PACS2: variants seen among roughly 807,000 people sequenced by gnomAD.
PACS2 encodes phosphofurin acidic cluster sorting protein 2, also known as PACS1-like protein.
PACS2 carries 36 observed loss-of-function variants against 113.0 expected under a neutral mutation model. The ratio of observed to expected loss-of-function variants is 0.32; its 90% confidence interval spans 0.24 to 0.42. The LOEUF is 0.42. PACS2 is among the 10% of genes least tolerant of loss of function. The pLI is 1.00. For missense variants in PACS2, 1,015 were observed against 1,239.5 expected, an observed-to-expected ratio of 0.82 and a Z score of 2.72; for synonymous variants, 589 against 536.1, an observed-to-expected ratio of 1.10 and a Z score of -1.36.
Position 105,366,373 on chromosome 14 carries a change from G to A in PACS2, c.424-840G>A, listed in dbSNP as rs181544829. ...AAAAAAGTAATAAATAAATAAATCT[G>A]GTCTATAAAATCCTAACATCTGGAT... On this transcript the variant is annotated intron_variant, in intron 4 of 24. Coordinates refer to ENST00000447393, the MANE Select transcript of PACS2 (RefSeq NM_001100913.3). The surrounding 1 kb of genome is among the most constrained non-coding windows in gnomAD (Gnocchi z 4.3). 4.4e-3 allele frequency among the ~76,000 whole-genome samples: 677 copies of A among 152,240 alleles called. 2 individuals carry two copies. The highest frequency in any genetic ancestry group is 7.4e-3 in the Non-Finnish European group (503 of 68,016).
At chr14:105,344,240 T>C (rs1555402143) in intron 1 of PACS2, among the ~76,000 whole-genome samples, 1 of 151,574 alleles carries the variant, frequency 6.6e-6, no homozygotes, top group Non-Finnish European at 1.5e-5. Context: ...TATGGTTGAA[T>C]TTGCCTGGAA....
chr14:105,334,618 G>T (rs905599089), intron 1 of PACS2, among the ~76,000 whole-genome samples: 12 of 152,044 alleles, frequency 7.9e-5, no homozygotes, highest in Non-Finnish European at 5.9e-5. Context: ...TGTCTACATA[G>T]AGCTCCACCT....
At chr14:105,345,759 G>A (rs782501927) in intron 1 of PACS2, among the ~76,000 whole-genome samples, 78 of 152,160 alleles carry the variant, frequency 5.1e-4, no homozygotes, top group Non-Finnish European at 1.0e-3. Flanking sequence ...CCAGCCTATG[G>A]TCTATCTTGG....
intron 1 of PACS2, among the ~76,000 whole-genome samples, chr14:105,328,968 T>C (rs1706673310): frequency 6.6e-6 from 1 of 152,216 alleles, no homozygotes; most frequent in Admixed American, 6.5e-5. Flanking sequence ...TCGGAAAATT[T>C]GTAGCAACAG....
At chr14:105,382,981 C>T in intron 15 of PACS2, 68 bp downstream of exon 15, 1 of 926,560 alleles carries the variant, frequency 1.1e-6, no homozygotes, top group Non-Finnish European at 1.7e-6. Flanking sequence ...CCCACCTCTG[C>T]CCATTGCTCC....
chr14:105,336,382 G>T (rs1159679590), intron 1 of PACS2: 1 of 152,376 alleles, frequency 6.6e-6, no homozygotes, highest in Non-Finnish European at 1.5e-5. Context: ...GCTTGCCAGG[G>T]CTGCAGAGTT....
chr14:105,368,418 G>C (rs1555408500), intron 6 of PACS2, 41 bp from the exon 7 acceptor site: 1 of 1,496,714 alleles, frequency 6.7e-7, no homozygotes, highest in African/African-American at 1.4e-5. Flanking sequence ...CCAGCACTAT[G>C]CAGGCTGCCG....
chr14:105,343,546 G>GT (rs2059812173), intron 1 of PACS2, among the ~76,000 whole-genome samples: 1 of 152,074 alleles, frequency 6.6e-6, no homozygotes, highest in Non-Finnish European at 1.5e-5. Context: ...TATTTTTCAT[G>GT]TTTTTTAAGC....
chr14:105,368,497 G>A lies in PACS2; in HGVS notation c.699G>A (p.Lys233=), dbSNP rs2061028341. 1.2e-6 allele frequency: 2 copies of A among 1,614,096 alleles called. No individual in the cohort carries two copies. The highest frequency in any genetic ancestry group is 1.3e-5 in the African/African-American group (1 of 75,062). The change falls in exon 7 of 25, where the codon AAG becomes AAA. Residue 233 remains lysine, a synonymous_variant. Coordinates refer to ENST00000447393, the MANE Select transcript of PACS2 (RefSeq NM_001100913.3). ...ACGACTTTGACGTGGGGAAGCCGAAGAAGCAGCGGAGATCGATTGTAAGAA... is the reference window on the plus strand; with the variant it reads ...ACGACTTTGACGTGGGGAAGCCGAAAAAGCAGCGGAGATCGATTGTAAGAA... ...DEDDFDVGKP[K]KQRRSIVRTT...
chr14:105,343,758 C>T (rs868927557), intron 1 of PACS2, among the ~76,000 whole-genome samples: 2 of 150,882 alleles, frequency 1.3e-5, no homozygotes, highest in Non-Finnish European at 2.9e-5. Context: ...TGCAGTGGCG[C>T]GACCTCAGCT....
chr14:105,331,516 G>A (rs587716494), intron 1 of PACS2, among the ~76,000 whole-genome samples: 2 of 152,144 alleles, frequency 1.3e-5, no homozygotes, highest in African/African-American at 2.4e-5. Context: ...TCTGGGGCTC[G>A]AGTCATCCTC....
rs72711572 is a variant in PACS2 at position 105,340,990 on chromosome 14, G to T, written c.120-7503G>T. Reference sequence around the variant, plus strand: ...ATGGGGAGGCTCGCTACCAAGGGGTGGGGGGCTGGAGAACGGAGCTTGGAG... The same window carrying T: ...ATGGGGAGGCTCGCTACCAAGGGGTTGGGGGCTGGAGAACGGAGCTTGGAG... On this transcript the variant is annotated intron_variant, in intron 1 of 24. Coordinates refer to ENST00000447393, the MANE Select transcript of PACS2 (RefSeq NM_001100913.3). This position sits in a 1 kb window ranked among gnomAD's most constrained non-coding sequence, Gnocchi z 4.2. 6.6e-6 allele frequency among the ~76,000 whole-genome samples: 1 copy of T among 152,244 alleles called. No individual in the cohort carries two copies. The highest frequency in any genetic ancestry group is 6.5e-5 in the Admixed American group (1 of 15,288).
upstream of PACS2, among the ~76,000 whole-genome samples, chr14:105,313,429 C>T (rs2058407236): frequency 6.6e-6 from 1 of 152,246 alleles, no homozygotes; most frequent in Non-Finnish European, 1.5e-5. Flanking sequence ...TCATGGCTCT[C>T]AGTGTACCAC....
Position 105,329,061 on chromosome 14 carries a change from T to A in PACS2, c.119+14024T>A, listed in dbSNP as rs1566907623. Among the ~76,000 whole-genome samples the A allele has an allele frequency of 6.6e-6, 1 of 152,192 alleles. No individual in the cohort carries two copies. The highest frequency in any genetic ancestry group is 1.5e-5 in the Non-Finnish European group (1 of 68,026). On this transcript the variant is annotated intron_variant, in intron 1 of 24. Coordinates refer to ENST00000447393, the MANE Select transcript of PACS2 (RefSeq NM_001100913.3). The surrounding 1 kb of genome is among the most constrained non-coding windows in gnomAD (Gnocchi z 6.4). ...TTCAGGGGAGCAGTGGGGAGTGTGC[T>A]GGGAGTGAGATTAGAGGGAGGACTC...
intron 22 of PACS2, chr14:105,392,086 G>A: frequency 2.4e-6 from 1 of 412,510 alleles, no homozygotes; most frequent in Non-Finnish European, 4.3e-6. Context: ...CAAGAGACGT[G>A]AGTCTCTAGA....
chr14:105,394,933 G>T lies in PACS2; in HGVS notation c.*261G>T, dbSNP rs745730548. On this transcript the variant is annotated 3_prime_UTR_variant, in exon 25 of 25. Transcript: ENST00000447393. Reference sequence around the variant, plus strand: ...TGCTGAGCCATGGATCGCGGAAGGCGTCCTCTGGCCTCAGGAGCCACCCAG... The same window carrying T: ...TGCTGAGCCATGGATCGCGGAAGGCTTCCTCTGGCCTCAGGAGCCACCCAG... The T allele has an allele frequency of 1.6e-5, 7 of 427,950 alleles. No homozygotes were observed. Among genetic ancestry groups the T allele is most frequent in the Non-Finnish European group, 3.0e-5 (7 of 230,526 alleles). 26.5% of individuals were successfully genotyped at this position (427,950 alleles called of 1,614,324 possible). A position where few individuals can be genotyped will look rare whatever the true frequency, so the allele number is the denominator to read the frequency against.
intron 8 of PACS2, chr14:105,374,566 TCG>T (rs1555410006): frequency 6.6e-6 from 1 of 152,206 alleles, no homozygotes; most frequent in East Asian, 1.9e-4. Context: ...CTGCCCTGAC[TCG>T]CTGCTGTCCA....
chr14:105,380,019 G>C, intron 10 of PACS2, 61 bp from the exon 11 acceptor site: 1 of 1,482,122 alleles, frequency 6.7e-7, no homozygotes, highest in Non-Finnish European at 9.2e-7. Context: ...TCCCAGTCCA[G>C]AAGTCAGCGC....
At chr14:105,390,157 T>C (rs1210684657) in intron 20 of PACS2, 154 bp downstream of exon 20, 5 of 750,534 alleles carry the variant, frequency 6.7e-6, no homozygotes, top group South Asian at 1.5e-5. Context: ...GTCTCAAAGC[T>C]CGCTTCCTTC....
Sources: allele counts gnomAD v4.1 joint callset (sites outside exome capture counted in the v4.1 genomes callset), GRCh38; gene constraint gnomAD v4.1.1; non-coding constraint Gnocchi (gnomAD v3.1); transcripts MANE v1.5; gene names NCBI Gene and HGNC (gene_info 2026-07-23, HGNC 2026-07-21).